The following UNC13C variants were observed in gnomAD, a reference collection of about 807,000 sequenced individuals.
The protein encoded by UNC13C is unc-13 homolog C, also known as protein unc-13 homolog C.
UNC13C carries 174 observed loss-of-function variants against 245.4 expected under a neutral mutation model. That is an observed-to-expected ratio of 0.71 (90% CI 0.63 to 0.80). UNC13C has a LOEUF of 0.80. UNC13C is among the 30% of genes least tolerant of loss of function. The pLI, the probability that UNC13C is intolerant of heterozygous loss-of-function variation, is 0.00. For synonymous variants in UNC13C, 992 were observed against 895.1 expected (o/e 1.11, Z -1.93); for missense variants, 2,829 against 2,602.9 (o/e 1.09, Z -1.89).
At chr15:54,080,136 A>T (rs1449662376) in intron 2 of UNC13C, among the ~76,000 whole-genome samples, 1 of 151,662 alleles carries the variant, frequency 6.6e-6, no homozygotes, top group African/African-American at 2.4e-5. Flanking sequence ...TGATTTACAT[A>T]TGTTGAATCA....
chr15:54,085,468 A>C (rs1899186523), intron 2 of UNC13C, among the ~76,000 whole-genome samples: 1 of 152,196 alleles, frequency 6.6e-6, no homozygotes, highest in Non-Finnish European at 1.5e-5. Context: ...GCTTTCAGTC[A>C]TCTCAGTCAT....
At chr15:53,872,823 G>C in the UNC13C span, among the ~76,000 whole-genome samples, 1 of 152,260 alleles carries the variant, frequency 6.6e-6, no homozygotes, top group African/African-American at 2.4e-5. Context: ...TTCTAGGCTG[G>C]TTATAATGAA....
At chr15:53,957,610 C>T in the UNC13C span, among the ~76,000 whole-genome samples, 2 of 152,130 alleles carry the variant, frequency 1.3e-5, no homozygotes, top group Non-Finnish European at 2.9e-5. Flanking sequence ...AAAATCCTCC[C>T]TTATCTACCC....
At chr15:54,194,528 G>GATTT in intron 4 of UNC13C, among the ~76,000 whole-genome samples, 1 of 152,268 alleles carries the variant, frequency 6.6e-6, no homozygotes, top group South Asian at 2.1e-4. Context: ...TCAAATTTAA[G>GATTT]AATTTGATAA....
intron 1 of UNC13C, among the ~76,000 whole-genome samples, chr15:54,005,814 A>G (rs1895108413): frequency 2.0e-5 from 3 of 152,324 alleles, no homozygotes; most frequent in Non-Finnish European, 4.4e-5. Flanking sequence ...GTGTGCATCC[A>G]CGGTACCATG....
chr15:54,217,964 A>G (rs1395488546), intron 4 of UNC13C, among the ~76,000 whole-genome samples: 2 of 151,950 alleles, frequency 1.3e-5, no homozygotes, highest in East Asian at 1.9e-4. Flanking sequence ...GTCAAGACCT[A>G]TTCACCTGAA....
At chr15:54,060,262 A>C (rs1897750294) in intron 2 of UNC13C, among the ~76,000 whole-genome samples, 1 of 152,210 alleles carries the variant, frequency 6.6e-6, no homozygotes, top group Admixed American at 6.5e-5. Context: ...AACTCAAACA[A>C]ATTTAGAAGA....
intron 19 of UNC13C, among the ~76,000 whole-genome samples, chr15:54,435,772 A>T (rs184150708): frequency 6.6e-6 from 1 of 151,452 alleles, no homozygotes; most frequent in Non-Finnish European, 1.5e-5. Context: ...AAAAGAAACT[A>T]TCATCAGAGT....
intron 2 of UNC13C, among the ~76,000 whole-genome samples, chr15:54,094,932 T>C (rs1899772777): frequency 6.6e-6 from 1 of 152,170 alleles, no homozygotes; most frequent in African/African-American, 2.4e-5. Context: ...TTCTCCCTTA[T>C]CCCTGAGGTA....
chr15:54,321,653 A>T (rs1287199332), intron 13 of UNC13C: 19 of 362,052 alleles, frequency 5.2e-5, no homozygotes, highest in Non-Finnish European at 8.5e-5. Context: ...CTCTTTCAAA[A>T]ACTGACTTCG....
chr15:54,134,345 A>G (rs1320289428), intron 2 of UNC13C, among the ~76,000 whole-genome samples: 4 of 148,808 alleles, frequency 2.7e-5, no homozygotes, highest in Admixed American at 6.7e-5. Context: ...TATTTCACCT[A>G]GTATATGTCC....
chr15:54,060,869 C>G (rs1313814272), intron 2 of UNC13C, among the ~76,000 whole-genome samples: 1 of 151,398 alleles, frequency 6.6e-6, no homozygotes, highest in African/African-American at 2.4e-5. Flanking sequence ...ATCACAAGGA[C>G]AAAAAACCAA....
chr15:54,112,907 T>A lies in UNC13C; in HGVS notation c.2984-30111T>A, dbSNP rs538648725. On this transcript the variant is annotated intron_variant, in intron 2 of 32. Transcript: ENST00000260323. ...GTCCACATTAAAATGAAAATACTTC[T>A]GAGAGAGTGAGTTATGCCTTGATCA... Among the ~76,000 whole-genome samples, 11 of 152,316 alleles carry A rather than the reference T, an allele frequency of 7.2e-5. No individual in the cohort carries two copies. The East Asian group carries it at 1.9e-3, about 27-fold the overall frequency.
At chr15:53,919,343 G>T in the UNC13C span, among the ~76,000 whole-genome samples, 1 of 152,110 alleles carries the variant, frequency 6.6e-6, no homozygotes, top group Non-Finnish European at 1.5e-5. Flanking sequence ...TCAGTTATTG[G>T]CATGAATAAC....
rs1301279472 is a variant in UNC13C at position 54,321,966 on chromosome 15, C to A, written c.4296C>A (p.Tyr1432Ter). Residue 1432 changes from tyrosine (Y) to a stop codon, truncating the protein, a stop_gained, in exon 14 of 33, where the codon TAC becomes TAA. Transcript: ENST00000260323. LOFTEE classifies it high-confidence loss of function. ...ACTTTTCATGTCTGTCTTCTAAATA[C>A]ATGTGCCCCGGTGTCCCTGCCGTCA... ...MTHFSCLSSK[Y>*]MCPGVPAVMS... The A allele has an allele frequency of 6.3e-7, 1 of 1,582,400 alleles. No individual in the cohort carries two copies.
intron 13 of UNC13C, among the ~76,000 whole-genome samples, chr15:54,306,729 G>A (rs1391448312): frequency 1.3e-5 from 2 of 151,942 alleles, no homozygotes; most frequent in African/African-American, 2.4e-5. Context: ...ATTAGGCTAT[G>A]GTTTTGCCTC....
the UNC13C span, among the ~76,000 whole-genome samples, chr15:53,868,910 G>C: frequency 2.0e-5 from 3 of 152,120 alleles, no homozygotes; most frequent in Non-Finnish European, 4.4e-5. Flanking sequence ...TTGAACCCAG[G>C]AGTTGAGACC....
intron 18 of UNC13C, among the ~76,000 whole-genome samples, chr15:54,404,291 A>G (rs1033868266): frequency 1.3e-5 from 2 of 152,312 alleles, no homozygotes; most frequent in East Asian, 3.9e-4. Flanking sequence ...AATTTTATCC[A>G]TTGTGACTGA....
At chr15:54,058,252 A>G (rs1897634747) in intron 2 of UNC13C, among the ~76,000 whole-genome samples, 1 of 152,204 alleles carries the variant, frequency 6.6e-6, no homozygotes, top group Non-Finnish European at 1.5e-5. Context: ...AGAATCAAAT[A>G]GACACAATAA....
Sources: allele counts gnomAD v4.1 joint callset (sites outside exome capture counted in the v4.1 genomes callset), GRCh38; gene constraint gnomAD v4.1.1; transcripts MANE v1.5; gene names NCBI Gene and HGNC (gene_info 2026-07-23, HGNC 2026-07-21).